The following PI4K2B variants were observed in gnomAD, a reference collection of about 807,000 sequenced individuals.
PI4K2B encodes phosphatidylinositol 4-kinase type 2 beta, also known as phosphatidylinositol 4-kinase type 2-beta.
PI4K2B carries 46 observed loss-of-function variants against 56.6 expected under a neutral mutation model. The ratio of observed to expected loss-of-function variants is 0.81; its 90% CI spans 0.64 to 1.04. The LOEUF (loss-of-function observed/expected upper bound fraction) is 1.04, where lower values mean the gene tolerates loss of function less well. Among genes scored for constraint, PI4K2B ranks in the 50% least tolerant of loss-of-function variants. The pLI, the probability that PI4K2B is intolerant of heterozygous loss-of-function variation, is 0.00. For synonymous variants in PI4K2B, 211 were observed against 223.8 expected (o/e 0.94, Z 0.51); for missense variants, 556 against 607.7 (o/e 0.91, Z 0.89).
At chr4:25,273,595 GA>G (rs1716991823) in intron 9 of PI4K2B, among the ~76,000 whole-genome samples, 1 of 152,142 alleles carries the variant, frequency 6.6e-6, no homozygotes, top group East Asian at 1.9e-4. Context: ...ATGTATCTGT[GA>G]AATAAGGGCG....
At chr4:25,234,523 G>C (rs1577670592) in intron 1 of PI4K2B, 92 bp downstream of exon 1, 2 of 930,180 alleles carry the variant, frequency 2.2e-6, no homozygotes, top group East Asian at 6.8e-5. Flanking sequence ...CGCTGGCCGA[G>C]GTGGACGGGC....
Position 25,234,393 on chromosome 4 carries a change from C to T in PI4K2B, c.230C>T (p.Ser77Leu), listed in dbSNP as rs780137098. Residue 77 changes from serine to leucine, a missense_variant, in exon 1 of 10, where the codon TCG (serine) becomes TTG (leucine). Transcript: ENST00000264864. ...GGGGACGTGGGGGTCTCCCGGAGTT[C>T]GTCCGCCGAGCTGGACCGGAGCCGC... ...PPGDVGVSRSSSAELDRSRPA... is the reference protein window; with the variant it reads ...PPGDVGVSRSLSAELDRSRPA... 3 of 1,397,228 alleles carry T rather than the reference C, an allele frequency of 2.1e-6. No individual in the cohort carries two copies. The highest frequency in any genetic ancestry group is 1.5e-5 in the South Asian group (1 of 64,598). 86.6% of individuals were successfully genotyped at this position (1,397,228 alleles called of 1,614,324 possible).
chr4:25,252,762 G>A (rs1002007028), intron 2 of PI4K2B, among the ~76,000 whole-genome samples: 2 of 152,098 alleles, frequency 1.3e-5, no homozygotes, highest in African/African-American at 4.8e-5. Flanking sequence ...ATAGTTGCGT[G>A]CCACCACACT....
chr4:25,258,320 G>T (rs1411293821), intron 4 of PI4K2B, among the ~76,000 whole-genome samples: 2 of 150,040 alleles, frequency 1.3e-5, no homozygotes, highest in African/African-American at 4.9e-5. Flanking sequence ...CGATTCTCCT[G>T]CCTCAGCCTT....
At chr4:25,255,363 G>C in intron 3 of PI4K2B, 98 bp downstream of exon 3, 1 of 1,071,404 alleles carries the variant, frequency 9.3e-7, no homozygotes, top group Non-Finnish European at 1.4e-6. Context: ...ACCTAAAGTG[G>C]AGCCCCTTTT....
intron 1 of PI4K2B, among the ~76,000 whole-genome samples, chr4:25,242,231 C>T (rs538517937): frequency 6.6e-6 from 1 of 152,306 alleles, no homozygotes; most frequent in Admixed American, 6.5e-5. Context: ...TCTAGAGTAG[C>T]CTGCTGGCAT....
chr4:25,234,442 G>A lies in PI4K2B; in HGVS notation c.268+11G>A. The A allele has an allele frequency of 1.6e-6, 2 of 1,288,628 alleles. No homozygotes were observed. The highest frequency in any genetic ancestry group is 2.0e-6 in the Non-Finnish European group (2 of 1,017,626). The allele number at this position is 1,288,628 out of a possible 1,614,324, so 79.8% of individuals were successfully genotyped here. A position where few individuals can be genotyped will look rare whatever the true frequency, so the allele number is the denominator to read the frequency against. ...GCCCCGCGGTTTCAGGTGCGACCCG[G>A]CCCTGCCCCACTCCCCGCGCCCCTC... On this transcript the variant is annotated intron_variant, in intron 1 of 9. Coordinates refer to ENST00000264864, the MANE Select transcript of PI4K2B (RefSeq NM_018323.4).
chr4:25,238,805 G>C (rs1715381014), intron 1 of PI4K2B, among the ~76,000 whole-genome samples: 1 of 152,162 alleles, frequency 6.6e-6, no homozygotes, highest in African/African-American at 2.4e-5. Flanking sequence ...AAGAGCGAAA[G>C]AACAAAGCTT....
chr4:25,277,269 A>G lies in PI4K2B; in HGVS notation c.*82A>G. 7.1e-7 allele frequency: 1 copy of G among 1,417,740 alleles called. No individual in the cohort carries two copies. Among genetic ancestry groups the G allele is most frequent in the African/African-American group, 1.4e-5 (1 of 71,136 alleles). The allele number at this position is 1,417,740 out of a possible 1,614,324, so 87.8% of individuals were successfully genotyped here. On this transcript the variant is annotated 3_prime_UTR_variant, in exon 10 of 10. Transcript: ENST00000264864. ...ATAGTAATATAAATCTGCTGTTAGG[A>G]GCTCCAGTTGCTAAAACCTCAATTT...
At chr4:25,254,247 C>T (rs1318242913) in intron 2 of PI4K2B, 1 of 159,278 alleles carries the variant, frequency 6.3e-6, no homozygotes, top group African/African-American at 2.4e-5. Flanking sequence ...GTTCTGACTA[C>T]TGGAAATGCA....
At chr4:25,253,674 G>A (rs1266076413) in intron 2 of PI4K2B, among the ~76,000 whole-genome samples, 1 of 152,172 alleles carries the variant, frequency 6.6e-6, no homozygotes, top group African/African-American at 2.4e-5. Context: ...GGATAATTCA[G>A]CTTCTAAATT....
intron 1 of PI4K2B, among the ~76,000 whole-genome samples, chr4:25,245,587 C>T (rs1363608961): frequency 6.6e-6 from 1 of 152,170 alleles, no homozygotes; most frequent in Admixed American, 6.5e-5. Context: ...TGTTAGAGAG[C>T]CCTTTCCCAG....
Position 25,263,738 on chromosome 4 carries a change from T to TC in PI4K2B, c.979-11dup, listed in dbSNP as rs1716564313. On this transcript the variant is annotated splice_polypyrimidine_tract_variant and intron_variant, in intron 6 of 9. Coordinates refer to ENST00000264864, the MANE Select transcript of PI4K2B (RefSeq NM_018323.4). ...GGTTCTTTTATCAACATATCATTTT[T>TC]CTACTCTATAGGAATCAAAATGGAT... 10 of 969,744 alleles carry TC rather than the reference T, an allele frequency of 1.0e-5. No individual in the cohort carries two copies. Among genetic ancestry groups the TC allele is most frequent in the Admixed American group, 1.9e-5 (1 of 52,748 alleles). The allele number at this position is 969,744 out of a possible 1,614,324, so 60.1% of individuals were successfully genotyped here.
chr4:25,240,864 T>A (rs1191105170), intron 1 of PI4K2B, among the ~76,000 whole-genome samples: 1 of 152,140 alleles, frequency 6.6e-6, no homozygotes, highest in Non-Finnish European at 1.5e-5. Flanking sequence ...TTTCTTCCTC[T>A]CTCTGTCTCC....
intron 6 of PI4K2B, among the ~76,000 whole-genome samples, chr4:25,262,033 T>G (rs1716498749): frequency 6.6e-6 from 1 of 152,158 alleles, no homozygotes; most frequent in South Asian, 2.1e-4. Flanking sequence ...CAGTGGCTCA[T>G]GCCTGTAATC....
chr4:25,272,539 T>C (rs313535), intron 9 of PI4K2B, among the ~76,000 whole-genome samples: 126,481 of 152,088 alleles, frequency 0.83, 52,688 homozygotes, highest in Non-Finnish European at 0.84. Context: ...TGGTGGCTCA[T>C]GGCTGTTGTC....
chr4:25,252,238 TA>T (rs768672975), intron 1 of PI4K2B, 82 bp from the exon 2 acceptor site: 7 of 1,007,298 alleles, frequency 6.9e-6, no homozygotes, highest in Non-Finnish European at 1.1e-5. Flanking sequence ...TTCTGTACCT[TA>T]TATCCTGATA....
rs758745614 is a variant in PI4K2B at position 25,249,627 on chromosome 4, G to A, written c.269-2694G>A. On this transcript the variant is annotated intron_variant, in intron 1 of 9. Coordinates refer to ENST00000264864, the MANE Select transcript of PI4K2B (RefSeq NM_018323.4). ...GGGCTCCTCACTTCTCAGATGTGGC[G>A]GCCGGTCAGAGACACTCCTCACCTC... is the stretch of plus-strand genomic sequence containing the variant. Among the ~76,000 whole-genome samples, 455 of 150,782 alleles carry A rather than the reference G, an allele frequency of 3.0e-3. 3 individuals are homozygous for A. Among genetic ancestry groups the A allele is most frequent in the Non-Finnish European group, 5.1e-3 (344 of 67,690 alleles).
intron 1 of PI4K2B, among the ~76,000 whole-genome samples, chr4:25,246,523 C>G (rs962166650): frequency 1.3e-5 from 2 of 152,248 alleles, no homozygotes; most frequent in Non-Finnish European, 2.9e-5. Flanking sequence ...TAAAGGTTCT[C>G]TAAGTCCCCA....
Sources: allele counts gnomAD v4.1 joint callset (sites outside exome capture counted in the v4.1 genomes callset), GRCh38; gene constraint gnomAD v4.1.1; transcripts MANE v1.5; gene names NCBI Gene and HGNC (gene_info 2026-07-23, HGNC 2026-07-21).